Variants in PCDH15 observed in about 807,000 individuals in gnomAD.
PCDH15 encodes the protein protocadherin related 15.
Under a neutral mutation model 178.5 loss-of-function variants are expected in PCDH15, and 129 were observed. The ratio of observed to expected loss-of-function variants is 0.72; its 90% CI spans 0.63 to 0.84. The LOEUF (loss-of-function observed/expected upper bound fraction) is 0.84, where lower values mean the gene tolerates loss of function less well. Among genes scored for constraint, PCDH15 ranks in the 40% least tolerant of loss-of-function variants. The pLI is 0.00. For missense variants in PCDH15, 2,230 were observed against 2,099.9 expected (o/e 1.06, Z -1.21); for synonymous variants, 800 against 732.0 (o/e 1.09, Z -1.50).
At chr10:55,320,605 A>G (rs1843865566), upstream of PCDH15, among the ~76,000 whole-genome samples, 4 of 152,246 alleles carry the variant, frequency 2.6e-5, no homozygotes, top group East Asian at 7.8e-4. Flanking sequence ...CAAGCTTCTA[A>G]TGTGAAGTCA....
At chr10:55,434,688 C>T (rs1855573) in intron 2 of PCDH15, among the ~76,000 whole-genome samples, 116,293 of 151,362 alleles carry the variant, frequency 0.77, 45,961 homozygotes, top group East Asian at 0.99. Flanking sequence ...TCACTGCAAC[C>T]TCTGCCTCCC....
chr10:54,365,710 C>T (rs947025157), intron 5 of PCDH15, among the ~76,000 whole-genome samples: 6 of 151,982 alleles, frequency 3.9e-5, no homozygotes, highest in African/African-American at 1.4e-4. Flanking sequence ...TTTCTTGAAA[C>T]CAGGCAAACT....
At chr10:54,685,542 G>A (rs2094981386) in intron 1 of PCDH15, among the ~76,000 whole-genome samples, 1 of 152,084 alleles carries the variant, frequency 6.6e-6, no homozygotes, top group Non-Finnish European at 1.5e-5. Context: ...AGCCTTATGG[G>A]ACCACCATTG....
intron 2 of PCDH15, among the ~76,000 whole-genome samples, chr10:55,069,636 C>T (rs1841673287): frequency 7.0e-6 from 1 of 143,760 alleles, no homozygotes; most frequent in Non-Finnish European, 1.5e-5. Flanking sequence ...CATAGTATTC[C>T]ATGGTGTATA....
intron 2 of PCDH15, among the ~76,000 whole-genome samples, chr10:55,020,202 C>T (rs949362081): frequency 6.6e-6 from 1 of 150,764 alleles, no homozygotes; most frequent in African/African-American, 2.4e-5. Flanking sequence ...TGGATTCAGG[C>T]ACTTTTATTG....
chr10:54,879,041 T>C (rs1954208556), intron 3 of PCDH15, among the ~76,000 whole-genome samples: 3 of 152,308 alleles, frequency 2.0e-5, no homozygotes, highest in South Asian at 4.1e-4. Flanking sequence ...ATGATGATTA[T>C]GAAAAGTAAA....
rs114254714 is a variant in PCDH15 at position 54,398,722 on chromosome 10, C to T, written c.158-19780G>A. ...ATTTTATTTGCTGCTGGATTATTTG[C>T]TTATTTGTTGTTTTAAATCAGAAAA... On this transcript the variant is annotated intron_variant, in intron 3 of 37. Coordinates refer to ENST00000644397, the MANE Select transcript of PCDH15 (RefSeq NM_001384140.1). 8.5e-3 allele frequency among the ~76,000 whole-genome samples: 1,290 copies of T among 152,002 alleles called. 23 individuals are homozygous for T. The highest frequency in any genetic ancestry group is 0.03 in the African/African-American group (1,227 of 41,532).
intron 8 of PCDH15, among the ~76,000 whole-genome samples, chr10:54,308,346 A>T (rs572812219): frequency 6.6e-6 from 1 of 152,254 alleles, no homozygotes; most frequent in East Asian, 1.9e-4. Context: ...TAACAAGAAG[A>T]GTTAGACTTC....
chr10:54,714,183 C>T (rs1309709654), intron 1 of PCDH15, among the ~76,000 whole-genome samples: 2 of 152,112 alleles, frequency 1.3e-5, no homozygotes, highest in East Asian at 3.9e-4. Context: ...GAACTGTAAT[C>T]AGAGAAGGAG....
At chr10:54,161,761 C>A (rs2045736336) in intron 13 of PCDH15, among the ~76,000 whole-genome samples, 1 of 152,062 alleles carries the variant, frequency 6.6e-6, no homozygotes, top group Non-Finnish European at 1.5e-5. Flanking sequence ...GATTATGATT[C>A]CAGTTTACCA....
At position 53,982,317 on chromosome 10, in the gene PCDH15, T is replaced by C. The variant is rs562293641; in HGVS notation, c.2868+13332A>G. Among the ~76,000 whole-genome samples, 3 of 152,304 alleles carry C rather than the reference T, an allele frequency of 2.0e-5. No individual in the cohort carries two copies. In the East Asian group the frequency reaches 5.8e-4, roughly 29 times the overall value. On this transcript the variant is annotated intron_variant, in intron 21 of 37. Transcript: ENST00000644397. ...CCATTTGACCCAGCAATCTCATTAC[T>C]GGGTATATACCCAAAGAATTATAAA...
At chr10:55,563,261 A>G in intron 2 of PCDH15, among the ~76,000 whole-genome samples, 1 of 151,942 alleles carries the variant, frequency 6.6e-6, no homozygotes, top group Non-Finnish European at 1.5e-5. Context: ...AGGAGATTTA[A>G]AAGGCTGTTT....
chr10:55,439,605 T>TA (rs1839132868), intron 2 of PCDH15, among the ~76,000 whole-genome samples: 1 of 151,852 alleles, frequency 6.6e-6, no homozygotes, highest in Non-Finnish European at 1.5e-5. Context: ...ATTTTTTTTT[T>TA]TAAATGATGA....
At chr10:55,170,406 C>T (rs141618163) in intron 1 of PCDH15, among the ~76,000 whole-genome samples, 1 of 152,046 alleles carries the variant, frequency 6.6e-6, no homozygotes, top group Non-Finnish European at 1.5e-5. Context: ...GGCTAAGCCT[C>T]CCAAAGTGCT....
chr10:54,144,020 A>G (rs1483232976), intron 14 of PCDH15, among the ~76,000 whole-genome samples: 1 of 152,136 alleles, frequency 6.6e-6, no homozygotes, highest in Non-Finnish European at 1.5e-5. Context: ...CAGGCTAAGT[A>G]TATGGGCCTG....
At chr10:55,205,796 T>C (rs1045794074) in intron 1 of PCDH15, among the ~76,000 whole-genome samples, 2 of 151,976 alleles carry the variant, frequency 1.3e-5, no homozygotes, top group African/African-American at 4.8e-5. Context: ...AAGATATAAC[T>C]GGGACTGGGC....
intron 15 of PCDH15, among the ~76,000 whole-genome samples, chr10:54,130,371 G>A (rs1370468027): frequency 6.6e-6 from 1 of 152,158 alleles, no homozygotes; most frequent in East Asian, 1.9e-4. Context: ...TGGCTCTCAC[G>A]ATTTCGGCGC....
At chr10:55,534,672 T>G (rs1014047091) in intron 2 of PCDH15, among the ~76,000 whole-genome samples, 4 of 151,988 alleles carry the variant, frequency 2.6e-5, no homozygotes, top group Admixed American at 2.6e-4. Flanking sequence ...CTCAAAGAAC[T>G]TAAAAACAGA....
At chr10:53,813,349 C>T (rs1267960240) in intron 35 of PCDH15, among the ~76,000 whole-genome samples, 10 of 151,984 alleles carry the variant, frequency 6.6e-5, no homozygotes, top group Non-Finnish European at 1.0e-4. Flanking sequence ...ATAATTTTGC[C>T]GTTTACAAAT....
Sources: gnomAD v4.1 joint callset for allele counts (sites outside exome capture counted in the v4.1 genomes callset) on GRCh38, gnomAD v4.1.1 for gene constraint, MANE v1.5 for transcripts, NCBI Gene and HGNC (gene_info 2026-07-23, HGNC 2026-07-21) for gene names.